The following MROH2B variants were observed in gnomAD, a reference collection of about 807,000 sequenced individuals.
MROH2B encodes the protein maestro heat-like repeat-containing protein family member 2B.
Under a neutral mutation model 208.6 loss-of-function variants are expected in MROH2B, and 177 were observed. The observed-to-expected ratio is 0.85, with a 90% CI of 0.75 to 0.96. The LOEUF (loss-of-function observed/expected upper bound fraction) is 0.96. Among genes scored for constraint, MROH2B ranks in the 40% least tolerant of loss-of-function variants. The pLI is 0.00. For synonymous variants in MROH2B, 728 were observed against 659.0 expected, an observed-to-expected ratio of 1.10 and a Z score of -1.60; for missense variants, 2,002 against 1,878.7, an observed-to-expected ratio of 1.07 and a Z score of -1.21.
At chr5:41,012,762 G>A in intron 29 of MROH2B, 27 bp from the exon 30 acceptor site, 1 of 1,611,968 alleles carries the variant, frequency 6.2e-7, no homozygotes, top group Non-Finnish European at 8.5e-7. Context: ...AAAGATTCGT[G>A]TAATCAACCA....
chr5:41,004,474 G>C lies in MROH2B; in HGVS notation c.4066C>G (p.Leu1356Val). 1 of 1,613,924 alleles carries C rather than the reference G, an allele frequency of 6.2e-7. No individual in the cohort carries two copies. Among genetic ancestry groups the C allele is most frequent in the Non-Finnish European group, 8.5e-7 (1 of 1,179,856 alleles). Residue 1356 changes from leucine to valine, a missense_variant, in exon 37 of 42, where the codon CTA becomes GTA. Leu to Val is a conservative substitution (Grantham distance 32, BLOSUM62 1). Transcript: ENST00000399564. ...LESIIRGLYH[L>V]ARTEVVCESL... Reference sequence around the variant, plus strand: ...TCACAGACGACTTCAGTGCGAGCTAGGTGATACAGGCCTCTGATGATAGAT... The same window carrying C: ...TCACAGACGACTTCAGTGCGAGCTACGTGATACAGGCCTCTGATGATAGAT...
intron 29 of MROH2B, 67 bp from the exon 30 acceptor site, chr5:41,012,802 T>C: frequency 1.3e-6 from 2 of 1,573,322 alleles, no homozygotes; most frequent in Non-Finnish European, 1.7e-6. Flanking sequence ...ACTTACAACA[T>C]GCTGTTGTGG....
intron 37 of MROH2B, among the ~76,000 whole-genome samples, chr5:41,002,705 C>T (rs1413486873): frequency 1.3e-5 from 2 of 152,162 alleles, no homozygotes; most frequent in Non-Finnish European, 2.9e-5. Context: ...AGCTAACAAT[C>T]AGCAAGGCTT....
chr5:41,039,638 G>A, intron 19 of MROH2B, 83 bp from the exon 20 acceptor site: 1 of 946,014 alleles, frequency 1.1e-6, no homozygotes, highest in Non-Finnish European at 1.6e-6. Context: ...TTATGTGCCA[G>A]GTATCCTTTA....
intron 24 of MROH2B, among the ~76,000 whole-genome samples, chr5:41,026,911 A>G (rs1742383111): frequency 6.6e-6 from 1 of 152,212 alleles, no homozygotes; most frequent in African/African-American, 2.4e-5. Context: ...GATCTTTGAC[A>G]AACCTGACGA....
rs1743969745 is a variant in MROH2B, at chr5:41,070,904, G to A, written c.-52C>T. On this transcript the variant is annotated 5_prime_UTR_variant, in exon 1 of 42. Transcript: ENST00000399564. The stretch of plus-strand genomic sequence containing the variant: ...AGATAGCACCTAAGTATTAGAAATA[G>A]TAAGGCTAAAAAATCAAAGAGGCAG... 6.3e-7 allele frequency: 1 copy of A among 1,584,746 alleles called. No homozygotes were observed.
At chr5:41,039,139 T>C (rs1742860314) in intron 20 of MROH2B, among the ~76,000 whole-genome samples, 1 of 152,118 alleles carries the variant, frequency 6.6e-6, no homozygotes, top group South Asian at 2.1e-4. Flanking sequence ...ATCAGGCCCC[T>C]TTCCTTCAGG....
chr5:41,058,100 T>A lies in MROH2B; in HGVS notation c.719A>T (p.Gln240Leu). Reference sequence around the variant, plus strand: ...GAAATCAATCTCTTTGTCTTTATACTGGTTCAGGAGCCAGGGCACCTGGCC... The same window carrying A: ...GAAATCAATCTCTTTGTCTTTATACAGGTTCAGGAGCCAGGGCACCTGGCC... ...ALGQVPWLLN[Q>L]YKDKEIDFHV... The change falls in exon 7 of 42, where the codon CAG (glutamine) becomes CTG (leucine). Residue 240 changes from glutamine (Q) to leucine (L), a missense_variant. Physicochemically the swap from Gln to Leu is moderately radical, Grantham distance 113. Transcript: ENST00000399564. The A allele has an allele frequency of 6.2e-7, 1 of 1,604,510 alleles. No individual in the cohort carries two copies. The highest frequency in any genetic ancestry group is 1.1e-5 in the South Asian group (1 of 89,150).
rs768589664 is a variant in MROH2B at position 41,008,712 on chromosome 5, TC to T, written c.3501del (p.Lys1168SerfsTer22). On this transcript the variant is annotated frameshift_variant, in exon 33 of 42. Coordinates refer to ENST00000399564, the MANE Select transcript of MROH2B (RefSeq NM_173489.5). LOFTEE classifies it high-confidence loss of function. ...TGGCCCAGTGTGCAGCTAACCAGCT[TC>T]AGGAGGAGAGTGAACAGCTCTGGAT... ...GLYPELFTLLLKLVSCTLGQK... is the reference protein window; with the variant it reads ...GLYPELFTLLXKLVSCTLGQK... 6.2e-7 allele frequency: 1 copy of T among 1,613,700 alleles called. No homozygotes were observed.
chr5:41,009,176 AGAAG>A, intron 32 of MROH2B, 100 bp downstream of exon 32: 3 of 1,453,242 alleles, frequency 2.1e-6, no homozygotes, highest in Non-Finnish European at 9.4e-7. Flanking sequence ...GTATGAGAGA[AGAAG>A]GAGGTGTCAT....
chr5:41,032,276 A>C (rs1742596824), intron 24 of MROH2B, among the ~76,000 whole-genome samples: 2 of 152,098 alleles, frequency 1.3e-5, no homozygotes, highest in Non-Finnish European at 2.9e-5. Context: ...TTGGCATGAG[A>C]TGCTATCTTA....
In MROH2B at chr5:41,032,985, G is replaced by C. The variant is rs558043857; in HGVS notation, c.2361+56C>G. 3.5e-5 allele frequency: 56 copies of C among 1,605,820 alleles called. No individual in the cohort carries two copies. In the African/African-American group the frequency reaches 6.2e-4, roughly 18 times the overall value. Reference sequence around the variant, plus strand: ...ATTCACTTTTTAAAAAGATAGCCCTGAACTCTTGGTAATGGAATACTCAGG... The same window carrying C: ...ATTCACTTTTTAAAAAGATAGCCCTCAACTCTTGGTAATGGAATACTCAGG... On this transcript the variant is annotated intron_variant, in intron 23 of 41. Coordinates refer to ENST00000399564, the MANE Select transcript of MROH2B (RefSeq NM_173489.5).
At chr5:41,067,337 C>T (rs1743842841) in intron 2 of MROH2B, 119 bp from the exon 3 acceptor site, 1 of 609,426 alleles carries the variant, frequency 1.6e-6, no homozygotes, top group East Asian at 2.9e-5. Flanking sequence ...CAATGGATTT[C>T]ATATTATATG....
chr5:41,005,560 G>A lies in MROH2B; in HGVS notation c.3835C>T (p.Arg1279Trp). 1 of 1,608,244 alleles carries A rather than the reference G, an allele frequency of 6.2e-7. No individual in the cohort carries two copies. Among genetic ancestry groups the A allele is most frequent in the Non-Finnish European group, 8.5e-7 (1 of 1,177,394 alleles). ...GAGAAGAAAGCTGCGCCGGTTATCC[G>A]GTAGTTCTCCGAGGAGGAGGTAAGA... ...SSLTSSSENYRITGAAFFSEL... is the reference protein window; with the variant it reads ...SSLTSSSENYWITGAAFFSEL... The change falls in exon 35 of 42, where the codon CGG becomes TGG. Residue 1279 changes from arginine (R) to tryptophan (W), a missense_variant. Physicochemically the swap from Arg to Trp is moderately radical, Grantham distance 101. Transcript: ENST00000399564.
chr5:41,018,053 C>A (rs1579915171), intron 27 of MROH2B, 83 bp from the exon 28 acceptor site: 1 of 1,471,494 alleles, frequency 6.8e-7, no homozygotes, highest in Non-Finnish European at 9.1e-7. Context: ...TCTCAAGTCT[C>A]TTATTTTCTC....
intron 35 of MROH2B, 132 bp from the exon 36 acceptor site, chr5:41,005,052 G>A (rs1741532384): frequency 3.2e-6 from 4 of 1,246,464 alleles, no homozygotes; most frequent in Non-Finnish European, 4.3e-6. Context: ...AAGCCCTCTG[G>A]TGAACCAGCA....
In MROH2B at chr5:41,045,758, G is replaced by A. The variant is rs1743098204; in HGVS notation, c.1824C>T (p.Asn608=). ...FKQQMGSYSN[N]STEKKFLWKA... The stretch of plus-strand genomic sequence containing the variant: ...CTGAAAAACCAACCTTCTCAGTGGA[G>A]TTATTGCTGTAACTGCCCATTTGCT... Residue 608 remains asparagine (N), a synonymous_variant, in exon 18 of 42, where the codon AAC becomes AAT. Transcript: ENST00000399564. 1 of 1,613,274 alleles carries A rather than the reference G, an allele frequency of 6.2e-7. No individual in the cohort carries two copies.
chr5:41,017,215 C>G (rs1374134840), intron 28 of MROH2B, among the ~76,000 whole-genome samples: 1 of 152,172 alleles, frequency 6.6e-6, no homozygotes. Flanking sequence ...TTAACCTGGA[C>G]AGGGAGCCCT....
Position 41,042,090 on chromosome 5 carries a change from A to C in MROH2B, c.1953+2T>G. 1 of 1,558,522 alleles carries C rather than the reference A, an allele frequency of 6.4e-7. No individual in the cohort carries two copies. Among genetic ancestry groups the C allele is most frequent in the South Asian group, 1.2e-5 (1 of 85,468 alleles). On this transcript the variant is annotated splice_donor_variant, in intron 19 of 41. Coordinates refer to ENST00000399564, the MANE Select transcript of MROH2B (RefSeq NM_173489.5). LOFTEE classifies it high-confidence loss of function. ...GAGGAAATTGAGAGCAAGGGGTCCC[A>C]CCTGTCTTTGATCCCCCAGTTGGTT...
Sources: allele counts gnomAD v4.1 joint callset (sites outside exome capture counted in the v4.1 genomes callset), GRCh38; gene constraint gnomAD v4.1.1; transcripts MANE v1.5; gene names NCBI Gene and HGNC (gene_info 2026-07-23, HGNC 2026-07-21).